Variants in GOT1L1 observed in about 807,000 individuals in gnomAD.
The protein encoded by GOT1L1 is aspartate aminotransferase, cytoplasmic 2.
Under a neutral mutation model 43.6 loss-of-function variants are expected in GOT1L1, and 38 were observed. The ratio of observed to expected loss-of-function variants is 0.87; its 90% CI spans 0.67 to 1.14. The LOEUF (loss-of-function observed/expected upper bound fraction) is 1.14. GOT1L1 is among the 50% of genes most tolerant of loss of function. GOT1L1 has a pLI of 0.00. For missense variants in GOT1L1, 482 were observed against 504.0 expected (o/e 0.96, Z 0.42); for synonymous variants, 183 against 187.2 (o/e 0.98, Z 0.18).
rs778568424 is a variant in GOT1L1 at position 37,937,351 on chromosome 8, T to C, written c.445A>G (p.Thr149Ala). Reference sequence around the variant, plus strand: ...TCCCAGACAGAGTATTCATAAACTGTAAAGCCCATGTCCTGGAAGACGAGT... The same window carrying C: ...TCCCAGACAGAGTATTCATAAACTGCAAAGCCCATGTCCTGGAAGACGAGT... ...HGLVFQDMGF[T>A]VYEYSVWDPK... Residue 149 changes from threonine (T) to alanine (A), a missense_variant, in exon 4 of 9, where the codon ACA becomes GCA. Physicochemically the swap from Thr to Ala is moderately conservative, Grantham distance 58. Coordinates refer to ENST00000307599, the MANE Select transcript of GOT1L1 (RefSeq NM_152413.3). The C allele has an allele frequency of 3.1e-6, 5 of 1,609,134 alleles. No homozygotes were observed. The highest frequency in any genetic ancestry group is 8.5e-7 in the Non-Finnish European group (1 of 1,178,172).
Position 37,939,429 on chromosome 8 carries a change from AAAATATATATATATAT to A in GOT1L1, c.115+470_115+485del, listed in dbSNP as rs1266337558. 3.6e-3 allele frequency among the ~76,000 whole-genome samples: 191 copies of A among 52,756 alleles called. 9 individuals carry two copies. The Middle Eastern group carries it at 0.073, about 20-fold the overall frequency. 34.6% of individuals were successfully genotyped at this position (52,756 alleles called of 152,430 possible). A position where few individuals can be genotyped will look rare whatever the true frequency, so the allele number is the denominator to read the frequency against. The stretch of plus-strand genomic sequence containing the variant: ...GCCCTGTCTCAAGAAAAAAAAAAAA[AAAATATATATATATAT>A]ATATATATATATATATATATATATA... On this transcript the variant is annotated intron_variant, in intron 1 of 8. Coordinates refer to ENST00000307599, the MANE Select transcript of GOT1L1 (RefSeq NM_152413.3).
chr8:37,937,547 A>C, intron 3 of GOT1L1, 91 bp downstream of exon 3: 1 of 1,094,950 alleles, frequency 9.1e-7, no homozygotes, highest in African/African-American at 1.6e-5. Context: ...CATGACAGAG[A>C]ATGAGGGATA....
At position 37,934,287 on chromosome 8, in the gene GOT1L1, C is replaced by A; in HGVS notation, c.*6G>T. The A allele has an allele frequency of 1.2e-6, 2 of 1,603,820 alleles. No homozygotes were observed. The highest frequency in any genetic ancestry group is 1.7e-6 in the Non-Finnish European group (2 of 1,172,962). ...ATGAATAATCAGCACAAGATTTTTG[C>A]AAAGACTAAAGTTTTATTCCAATCA... On this transcript the variant is annotated 3_prime_UTR_variant, in exon 9 of 9. Coordinates refer to ENST00000307599, the MANE Select transcript of GOT1L1 (RefSeq NM_152413.3).
chr8:37,939,940 C>A lies in GOT1L1; in HGVS notation c.90G>T (p.Pro30=). ...CTCTATAGGCTAAGAATATCTTGTT[C>A]GGGTAATCATCTTGTTTGTAGGTCT... ...LLKTYKQDDY[P]NKIFLAYRVC... is the part of the protein sequence containing the mutation. The change falls in exon 1 of 9, where the codon CCG becomes CCT. Residue 30 remains proline, a synonymous_variant. Coordinates refer to ENST00000307599, the MANE Select transcript of GOT1L1 (RefSeq NM_152413.3). 1 of 1,613,424 alleles carries A rather than the reference C, an allele frequency of 6.2e-7. No homozygotes were observed. The highest frequency in any genetic ancestry group is 1.1e-5 in the South Asian group (1 of 91,000).
chr8:37,934,444 A>G lies in GOT1L1; in HGVS notation c.1115T>C (p.Ile372Thr), dbSNP rs376287628. The G allele has an allele frequency of 1.2e-6, 2 of 1,613,848 alleles. No individual in the cohort carries two copies. Among genetic ancestry groups the G allele is most frequent in the Non-Finnish European group, 1.7e-6 (2 of 1,179,842 alleles). The change falls in exon 9 of 9, where the codon ATC (isoleucine) becomes ACC (threonine). Residue 372 changes from isoleucine to threonine, a missense_variant. Transcript: ENST00000307599. ...EYLVRKKHIY[I>T]PKNGQINFSC... ...GAAGTTAATCTGACCGTTCTTGGGG[A>G]TATAGATGTGCTTCTTCCTGACCAG... is the stretch of plus-strand genomic sequence containing the variant.
chr8:37,938,750 AG>A lies in GOT1L1; in HGVS notation c.246del (p.Ser83LeufsTer2). 2.5e-6 allele frequency: 4 copies of A among 1,606,584 alleles called. No homozygotes were observed. The highest frequency in any genetic ancestry group is 2.5e-6 in the Non-Finnish European group (3 of 1,176,654). ...TGCTTTCCAAAGAGGAGTGCTAGAG[AG>A]GCCTGGATGAATGATTTCAGGCCCA... ...PTMGLKSFIQASLALLFGKHS... is the reference protein window; with the variant it reads ...PTMGLKSFIQXSLALLFGKHS... On this transcript the variant is annotated frameshift_variant, in exon 2 of 9. Transcript: ENST00000307599. LOFTEE classifies it high-confidence loss of function.
At chr8:37,939,892 C>G (rs745630209) in intron 1 of GOT1L1, 23 bp downstream of exon 1, 1 of 1,605,762 alleles carries the variant, frequency 6.2e-7, no homozygotes, top group South Asian at 1.1e-5. Context: ...AAGTCTTATA[C>G]TTCAGAACTG....
chr8:37,935,070 T>TA lies in GOT1L1; in HGVS notation c.1072+2dup. On this transcript the variant is annotated splice_region_variant and intron_variant, in intron 8 of 8. Coordinates refer to ENST00000307599, the MANE Select transcript of GOT1L1 (RefSeq NM_152413.3). ...GGGGGACACCAGCCCCCTAGACCCT[T>TA]ACAGTTGAGTCCAAGATAGCCGTGG... The TA allele has an allele frequency of 6.2e-7, 1 of 1,613,834 alleles. No homozygotes were observed. The highest frequency in any genetic ancestry group is 1.1e-5 in the South Asian group (1 of 91,072).
At position 37,939,949 on chromosome 8, in the gene GOT1L1, A is replaced by C. The variant is rs151011886; in HGVS notation, c.81T>G (p.Asp27Glu). The C allele has an allele frequency of 1.5e-5, 25 of 1,613,574 alleles. No individual in the cohort carries two copies. Among genetic ancestry groups the C allele is most frequent in the Non-Finnish European group, 2.0e-5 (24 of 1,179,686 alleles). The change falls in exon 1 of 9, where the codon GAT becomes GAG. Residue 27 changes from aspartate (D) to glutamate (E), a missense_variant. Asp to Glu is a conservative substitution (Grantham distance 45). Transcript: ENST00000307599. ...CTAAGAATATCTTGTTCGGGTAATC[A>C]TCTTGTTTGTAGGTCTTTAACAAGC... Reference protein sequence around the residue: ...EGSLLKTYKQDDYPNKIFLAY... With the variant: ...EGSLLKTYKQEDYPNKIFLAY...
chr8:37,936,268 C>T (rs1807752065), intron 6 of GOT1L1, among the ~76,000 whole-genome samples: 1 of 151,896 alleles, frequency 6.6e-6, no homozygotes, highest in Non-Finnish European at 1.5e-5. Context: ...TGCCTCAGCC[C>T]CCCGGGTGGG....
chr8:37,935,876 T>G lies in GOT1L1; in HGVS notation c.764-7A>C, dbSNP rs1168000756. ...AGCATCCCCACTCCTTCATCTGCAGTGTTGGGAAGACAGCCTCAGCCTCAG... is the reference window on the plus strand; with the variant it reads ...AGCATCCCCACTCCTTCATCTGCAGGGTTGGGAAGACAGCCTCAGCCTCAG... On this transcript the variant is annotated splice_polypyrimidine_tract_variant and splice_region_variant and intron_variant, in intron 6 of 8. Coordinates refer to ENST00000307599, the MANE Select transcript of GOT1L1 (RefSeq NM_152413.3). 1 of 1,610,428 alleles carries G rather than the reference T, an allele frequency of 6.2e-7. No individual in the cohort carries two copies.
At chr8:37,938,577 C>T in intron 2 of GOT1L1, 123 bp downstream of exon 2, 1 of 822,196 alleles carries the variant, frequency 1.2e-6, no homozygotes, top group South Asian at 1.9e-5. Context: ...CTCTCTGAGC[C>T]TCAGGTATCT....
intron 2 of GOT1L1, 73 bp from the exon 3 acceptor site, chr8:37,937,822 C>T: frequency 9.7e-7 from 1 of 1,031,644 alleles, no homozygotes; most frequent in Non-Finnish European, 1.5e-6. Context: ...CTTTGGGAGG[C>T]TGGGGTGGGT....
intron 2 of GOT1L1, among the ~76,000 whole-genome samples, chr8:37,938,373 GGTGAC>G (rs1469808201): frequency 6.6e-6 from 1 of 152,156 alleles, no homozygotes; most frequent in African/African-American, 2.4e-5. Flanking sequence ...CTCTAGCCTG[GGTGAC>G]AGAGTGAGAC....
In GOT1L1 at chr8:37,939,428, AAAAATATATATATATAT is replaced by A. The variant is rs1221114045; in HGVS notation, c.115+470_115+486del. On this transcript the variant is annotated intron_variant, in intron 1 of 8. Coordinates refer to ENST00000307599, the MANE Select transcript of GOT1L1 (RefSeq NM_152413.3). ...GGCCCTGTCTCAAGAAAAAAAAAAAAAAAATATATATATATATATATATATATATATATATATATATA... is the reference window on the plus strand; with the variant it reads ...GGCCCTGTCTCAAGAAAAAAAAAAAAATATATATATATATATATATATATA... Among the ~76,000 whole-genome samples, 37 of 55,260 alleles carry A rather than the reference AAAAATATATATATATAT, an allele frequency of 6.7e-4. 1 individual carries two copies. Among genetic ancestry groups the A allele is most frequent in the South Asian group, 4.9e-3 (5 of 1,026 alleles). The allele number at this position is 55,260 out of a possible 152,430, so 36.3% of individuals were successfully genotyped here. A position where few individuals can be genotyped will look rare whatever the true frequency, so the allele number is the denominator to read the frequency against.
chr8:37,937,210 G>T, intron 4 of GOT1L1, 67 bp downstream of exon 4: 1 of 1,235,210 alleles, frequency 8.1e-7, no homozygotes, highest in Non-Finnish European at 1.2e-6. Context: ...TAAGAGGTGT[G>T]GGGAGGAGAG....
intron 2 of GOT1L1, among the ~76,000 whole-genome samples, 172 bp downstream of exon 2, chr8:37,938,528 G>A (rs963634155): frequency 6.6e-6 from 1 of 152,324 alleles, no homozygotes; most frequent in East Asian, 1.9e-4. Flanking sequence ...CCACTGGACT[G>A]AGATTCCGAT....
intron 8 of GOT1L1, 67 bp from the exon 9 acceptor site, chr8:37,934,553 G>C: frequency 8.6e-7 from 1 of 1,156,294 alleles, no homozygotes; most frequent in Non-Finnish European, 1.3e-6. Context: ...GCCCAGGCTG[G>C]TTTATTTTCT....
chr8:37,934,834 T>C lies in GOT1L1; in HGVS notation c.1072+239A>G, dbSNP rs544748906. Reference sequence around the variant, plus strand: ...CAGGTGACCCACCCGCCTCGGCCTCTCAAAGTGTTGGGATTACAGGCATGA... The same window carrying C: ...CAGGTGACCCACCCGCCTCGGCCTCCCAAAGTGTTGGGATTACAGGCATGA... On this transcript the variant is annotated intron_variant, in intron 8 of 8. Transcript: ENST00000307599. 3.1e-5 allele frequency: 18 copies of C among 578,762 alleles called. 1 individual carries two copies. The highest frequency in any genetic ancestry group is 1.5e-4 in the African/African-American group (8 of 53,308). 35.9% of individuals were successfully genotyped at this position (578,762 alleles called of 1,614,324 possible). A position where few individuals can be genotyped will look rare whatever the true frequency, so the allele number is the denominator to read the frequency against.
Sources: gnomAD v4.1 joint callset for allele counts (sites outside exome capture counted in the v4.1 genomes callset) on GRCh38, gnomAD v4.1.1 for gene constraint, MANE v1.5 for transcripts, NCBI Gene and HGNC (gene_info 2026-07-23, HGNC 2026-07-21) for gene names.